Variants in CEP112 observed in about 807,000 individuals in gnomAD.
The protein encoded by CEP112 is centrosomal protein 112.
CEP112 carries 127 observed loss-of-function variants against 153.0 expected under a neutral mutation model. That is an observed-to-expected ratio of 0.83 (90% CI 0.72 to 0.96). The LOEUF (loss-of-function observed/expected upper bound fraction) is 0.96. Ranked by LOEUF, CEP112 falls within the 40% of genes least tolerant of loss-of-function variation. The pLI is 0.00. For synonymous variants in CEP112, 358 were observed against 374.4 expected (o/e 0.96, Z 0.51); for missense variants, 1,089 against 1,101.2 (o/e 0.99, Z 0.16).
intron 17 of CEP112, among the ~76,000 whole-genome samples, chr17:65,994,008 C>T (rs2063690714): frequency 1.9e-5 from 1 of 52,578 alleles, no homozygotes; most frequent in Non-Finnish European, 3.6e-5. Context: ...CAATAAACTT[C>T]GGTTCATAGG....
chr17:65,686,023 C>T (rs1177370459), intron 24 of CEP112, among the ~76,000 whole-genome samples: 1 of 148,904 alleles, frequency 6.7e-6, no homozygotes, highest in Non-Finnish European at 1.5e-5. Context: ...GGACATAGGT[C>T]AAATTTAGAT....
intron 21 of CEP112, among the ~76,000 whole-genome samples, chr17:65,849,272 T>A (rs551400073): frequency 4.6e-5 from 7 of 152,316 alleles, no homozygotes; most frequent in African/African-American, 1.7e-4. Context: ...TCAAGTAACA[T>A]CTCTCCCAAT....
At chr17:65,997,235 T>C (rs570432190) in intron 17 of CEP112, among the ~76,000 whole-genome samples, 111 of 152,252 alleles carry the variant, frequency 7.3e-4, no homozygotes, top group Admixed American at 2.2e-3. Flanking sequence ...ATCCTAATTG[T>C]ACACTTATTA....
chr17:65,727,282 T>G (rs372173136), intron 23 of CEP112, among the ~76,000 whole-genome samples: 154 of 152,314 alleles, frequency 1.0e-3, no homozygotes, highest in African/African-American at 3.5e-3. Flanking sequence ...TGCTGGACAT[T>G]GATGTTCTAT....
intron 6 of CEP112, among the ~76,000 whole-genome samples, chr17:66,112,093 C>T (rs2069077140): frequency 6.6e-6 from 1 of 151,934 alleles, no homozygotes; most frequent in Admixed American, 6.6e-5. Flanking sequence ...GAGCTTGAGA[C>T]CAGCCTGGCC....
intron 20 of CEP112, among the ~76,000 whole-genome samples, chr17:65,853,658 G>A (rs2058038362): frequency 6.6e-6 from 1 of 151,730 alleles, no homozygotes; most frequent in African/African-American, 2.4e-5. Flanking sequence ...AACCTGGGAG[G>A]TGGAGGTTGC....
chr17:65,702,207 T>C (rs1159443875), intron 23 of CEP112, among the ~76,000 whole-genome samples: 1 of 152,108 alleles, frequency 6.6e-6, no homozygotes, highest in South Asian at 2.1e-4. Context: ...CCACTCTACG[T>C]CCTGATTTCT....
chr17:65,963,392 C>T (rs908576822), intron 17 of CEP112, among the ~76,000 whole-genome samples: 8 of 152,176 alleles, frequency 5.3e-5, no homozygotes, highest in South Asian at 2.1e-4. Flanking sequence ...AAAAGTAATA[C>T]GAGTTTTTCC....
intron 16 of CEP112, among the ~76,000 whole-genome samples, chr17:66,021,808 A>C (rs775928641): frequency 5.3e-5 from 8 of 152,108 alleles, no homozygotes; most frequent in Non-Finnish European, 1.0e-4. Context: ...ACTGAGACTG[A>C]GCACAGGACC....
chr17:66,112,626 G>A (rs1359972792), intron 6 of CEP112, among the ~76,000 whole-genome samples: 1 of 151,988 alleles, frequency 6.6e-6, no homozygotes, highest in Non-Finnish European at 1.5e-5. Context: ...TGGTACCAGA[G>A]AAATGCGCAT....
chr17:66,144,232 T>C (rs1163597196), intron 4 of CEP112, among the ~76,000 whole-genome samples: 2 of 152,200 alleles, frequency 1.3e-5, no homozygotes, highest in African/African-American at 4.8e-5. Flanking sequence ...CCAAAAATTC[T>C]TTGAGCCTGA....
At chr17:65,753,245 C>T (rs1288750523) in intron 21 of CEP112, among the ~76,000 whole-genome samples, 1 of 152,136 alleles carries the variant, frequency 6.6e-6, no homozygotes, top group Non-Finnish European at 1.5e-5. Flanking sequence ...GTTGGTTAAC[C>T]TGTCTTTTTC....
At chr17:65,931,751 G>T (rs973767268) in intron 18 of CEP112, among the ~76,000 whole-genome samples, 2 of 152,194 alleles carry the variant, frequency 1.3e-5, no homozygotes, top group East Asian at 3.9e-4. Context: ...AGGCTCAGAG[G>T]CAAGCCCAGA....
chr17:66,100,554 A>G (rs1235017557), intron 6 of CEP112, among the ~76,000 whole-genome samples: 1 of 152,148 alleles, frequency 6.6e-6, no homozygotes, highest in Non-Finnish European at 1.5e-5. Context: ...AAATGGATAA[A>G]GAAAATGAGA....
chr17:65,687,458 G>C (rs1275146431), intron 24 of CEP112, among the ~76,000 whole-genome samples: 1 of 151,908 alleles, frequency 6.6e-6, no homozygotes, highest in Admixed American at 6.6e-5. Flanking sequence ...GAGCCACTGC[G>C]CCCGGCCTAG....
intron 17 of CEP112, among the ~76,000 whole-genome samples, chr17:66,001,391 T>C (rs1201717585): frequency 1.3e-5 from 2 of 152,232 alleles, no homozygotes; most frequent in Non-Finnish European, 2.9e-5. Context: ...TCCCATTCTG[T>C]AGGTTGTGTT....
intron 18 of CEP112, among the ~76,000 whole-genome samples, chr17:65,955,815 T>C (rs949682452): frequency 2.6e-5 from 4 of 152,118 alleles, no homozygotes; most frequent in African/African-American, 9.7e-5. Flanking sequence ...ATTCTAAATA[T>C]GAATGCACCT....
intron 21 of CEP112, among the ~76,000 whole-genome samples, chr17:65,763,068 C>T (rs1412591817): frequency 2.0e-5 from 3 of 151,936 alleles, no homozygotes; most frequent in South Asian, 2.1e-4. Flanking sequence ...AATAATTTTT[C>T]GAGGTACAGA....
rs543108842 is a variant in CEP112 at position 65,977,213 on chromosome 17, A to T, written c.1737-15615T>A. Among the ~76,000 whole-genome samples the T allele has an allele frequency of 1.5e-4, 23 of 152,290 alleles. No individual in the cohort carries two copies. In the East Asian group the frequency reaches 4.4e-3, roughly 29 times the overall value. ...ACAGCATCTGTGCTTCTCTTTGTGC[A>T]TCTGCCCCGCTTTCCTCTTGGCATC... On this transcript the variant is annotated intron_variant, in intron 17 of 26. Transcript: ENST00000535342.
Sources: allele counts gnomAD v4.1 joint callset (sites outside exome capture counted in the v4.1 genomes callset), GRCh38; gene constraint gnomAD v4.1.1; transcripts MANE v1.5; gene names NCBI Gene and HGNC (gene_info 2026-07-23, HGNC 2026-07-21).